The following NFRKB variants were observed in gnomAD, a reference collection of about 807,000 sequenced individuals.
NFRKB encodes nuclear factor related to kappa-B-binding protein.
NFRKB carries 62 observed loss-of-function variants against 135.7 expected under a neutral mutation model. The observed-to-expected ratio is 0.46, with a 90% CI of 0.37 to 0.56. The LOEUF (loss-of-function observed/expected upper bound fraction) is 0.56, where lower values mean the gene tolerates loss of function less well. Among genes scored for constraint, NFRKB ranks in the 20% least tolerant of loss-of-function variants. The probability of loss-of-function intolerance (pLI) is 0.00; values close to 1 mark genes in which losing one functional copy is unlikely to be tolerated. For missense variants in NFRKB, 1,545 were observed against 1,662.0 expected (o/e 0.93, Z 1.22); for synonymous variants, 678 against 635.6 (o/e 1.07, Z -1.00).
In NFRKB at chr11:129,885,464, C is replaced by T; in HGVS notation, c.611G>A (p.Gly204Asp). Reference protein sequence around the residue: ...KVLREVKEECGDTALSSDEED... With the variant: ...KVLREVKEECDDTALSSDEED... Reference sequence around the variant, plus strand: ...TTCATCAGATGACAGGGCTGTGTCACCACACTCCTCTTTCACTTCCCTTAA... The same window carrying T: ...TTCATCAGATGACAGGGCTGTGTCATCACACTCCTCTTTCACTTCCCTTAA... The change falls in exon 6 of 27, where the codon GGT (glycine) becomes GAT (aspartate). Residue 204 changes from glycine (G) to aspartate (D), a missense_variant. Gly to Asp is a moderately conservative substitution (Grantham distance 94). Around this residue, in one of 3 missense-constraint regions of NFRKB, gnomAD observed 678 missense variants for 646.7 expected, o/e 1.05. Transcript: ENST00000682444. 1.2e-6 allele frequency: 2 copies of T among 1,613,282 alleles called. No individual in the cohort carries two copies. Among genetic ancestry groups the T allele is most frequent in the East Asian group, 2.2e-5 (1 of 44,854 alleles).
chr11:129,870,653 G>A (rs368607834), intron 23 of NFRKB, among the ~76,000 whole-genome samples: 9 of 151,990 alleles, frequency 5.9e-5, no homozygotes, highest in East Asian at 1.9e-4. Flanking sequence ...CTGCAGCCTC[G>A]AACTCCTGGG....
rs1459984851 is a variant in NFRKB at position 129,863,664 on chromosome 11, G to A, written c.*1061C>T. On this transcript the variant is annotated 3_prime_UTR_variant, in exon 27 of 27. Coordinates refer to ENST00000682444, the MANE Select transcript of NFRKB (RefSeq NM_001143835.2). ...AAACAAAAAACGCTTTTACTTAAAA[G>A]GCCATATAGGAAATACTTTAGGCTT... The A allele has an allele frequency of 6.4e-6, 1 of 155,994 alleles. No individual in the cohort carries two copies. Among genetic ancestry groups the A allele is most frequent in the Non-Finnish European group, 1.4e-5 (1 of 70,932 alleles). The allele number at this position is 155,994 out of a possible 1,614,324, so 9.7% of individuals were successfully genotyped here.
intron 10 of NFRKB, 69 bp from the exon 11 acceptor site, chr11:129,882,263 C>G: frequency 2.1e-6 from 3 of 1,427,128 alleles, no homozygotes; most frequent in African/African-American, 2.9e-5. Context: ...TTCAGGCGCC[C>G]AAGCCTCCTA....
chr11:129,869,767 G>A lies in NFRKB; in HGVS notation c.3258C>T (p.Ala1086=), dbSNP rs1261922137. 1.2e-6 allele frequency: 2 copies of A among 1,614,148 alleles called. No individual in the cohort carries two copies. The highest frequency in any genetic ancestry group is 2.7e-5 in the African/African-American group (2 of 74,944). The stretch of plus-strand genomic sequence containing the variant: ...CCAGTCCCTGCACGATGCGGATCGT[G>A]GCAGCTGGTTTTGCTTCTGAAGAGG... The part of the protein sequence containing the change: ...TVASSEAKPA[A]TIRIVQGLGV... The change falls in exon 24 of 27, where the codon GCC becomes GCT. Residue 1086 remains alanine, a synonymous_variant. Coordinates refer to ENST00000682444, the MANE Select transcript of NFRKB (RefSeq NM_001143835.2).
intron 23 of NFRKB, among the ~76,000 whole-genome samples, chr11:129,870,901 G>C (rs1237343423): frequency 2.0e-5 from 3 of 152,020 alleles, no homozygotes; most frequent in Non-Finnish European, 4.4e-5. Flanking sequence ...ACCAATCCTG[G>C]CTAACTCTAC....
intron 6 of NFRKB, 122 bp from the exon 7 acceptor site, chr11:129,884,968 A>G: frequency 6.8e-7 from 1 of 1,463,454 alleles, no homozygotes; most frequent in Admixed American, 1.9e-5. Context: ...AGGGTTCCAC[A>G]ATCCTTTCTG....
At position 129,885,420 on chromosome 11, in the gene NFRKB, C is replaced by A; in HGVS notation, c.640+15G>T. 6.3e-7 allele frequency: 1 copy of A among 1,591,094 alleles called. No homozygotes were observed. The highest frequency in any genetic ancestry group is 8.6e-7 in the Non-Finnish European group (1 of 1,163,044). On this transcript the variant is annotated intron_variant, in intron 6 of 26. Coordinates refer to ENST00000682444, the MANE Select transcript of NFRKB (RefSeq NM_001143835.2). ...TCCAATACCCCAGCTACCCCAAGTG[C>A]CCGAGGACACTCACCCTCTTCATCA...
chr11:129,867,367 C>T (rs542497707), intron 24 of NFRKB, among the ~76,000 whole-genome samples: 9 of 143,894 alleles, frequency 6.3e-5, no homozygotes, highest in South Asian at 4.5e-4. Flanking sequence ...GCTCTGCCAT[C>T]CAGGCTGGAG....
intron 24 of NFRKB, among the ~76,000 whole-genome samples, chr11:129,868,512 CG>C (rs1167849452): frequency 2.0e-5 from 3 of 152,194 alleles, no homozygotes; most frequent in Non-Finnish European, 4.4e-5. Flanking sequence ...CAGGCGGCAC[CG>C]CTGGAGTATC....
At chr11:129,878,905 G>C (rs931351531) in intron 13 of NFRKB, among the ~76,000 whole-genome samples, 7 of 152,198 alleles carry the variant, frequency 4.6e-5, no homozygotes, top group African/African-American at 1.7e-4. Context: ...CATCACAAAG[G>C]ATGTCATCAT....
At chr11:129,892,078 T>C (rs563791975) in intron 3 of NFRKB, among the ~76,000 whole-genome samples, 23 of 152,284 alleles carry the variant, frequency 1.5e-4, no homozygotes, top group Admixed American at 7.8e-4. Context: ...ATTTCAATAG[T>C]ATTGGGGGAA....
intron 2 of NFRKB, chr11:129,894,127 C>A (rs1157459303): frequency 6.6e-6 from 1 of 152,212 alleles, no homozygotes; most frequent in Non-Finnish European, 1.5e-5. Flanking sequence ...AGACTGATGG[C>A]TGGGATTAGG....
intron 2 of NFRKB, among the ~76,000 whole-genome samples, chr11:129,893,570 A>G (rs1055316968): frequency 1.3e-5 from 2 of 151,380 alleles, no homozygotes; most frequent in African/African-American, 2.4e-5. Flanking sequence ...AAAAAAAAAA[A>G]GGAAAGGAAA....
intron 8 of NFRKB, 74 bp downstream of exon 8, chr11:129,883,996 G>A (rs1054891811): frequency 3.1e-5 from 45 of 1,468,660 alleles, no homozygotes; most frequent in Admixed American, 5.0e-5. Flanking sequence ...GTGATGCCCC[G>A]TGTCTTCCTC....
rs1948634017 is a variant in NFRKB, at chr11:129,873,858, G to A, written c.2437C>T (p.Leu813Phe). Reference sequence around the variant, plus strand: ...CCCGACTGCTGGGGAACAGCAGGAAGGCTAGGCTGGGCCACCACTCGCACC... The same window carrying A: ...CCCGACTGCTGGGGAACAGCAGGAAAGCTAGGCTGGGCCACCACTCGCACC... ...SQVRVVAQPS[L>F]PAVPQQSGGP... Residue 813 changes from leucine to phenylalanine, a missense_variant, in exon 22 of 27, where the codon CTT (leucine) becomes TTT (phenylalanine). Leu to Phe is a conservative substitution (Grantham distance 22). This residue lies in a region of NFRKB where 753 missense variants were observed against 804.3 expected (regional missense o/e 0.94). Coordinates refer to ENST00000682444, the MANE Select transcript of NFRKB (RefSeq NM_001143835.2). 1 of 1,614,162 alleles carries A rather than the reference G, an allele frequency of 6.2e-7. No individual in the cohort carries two copies. The highest frequency in any genetic ancestry group is 8.5e-7 in the Non-Finnish European group (1 of 1,180,044).
chr11:129,876,694 C>T, intron 17 of NFRKB, 27 bp downstream of exon 17: 1 of 1,602,232 alleles, frequency 6.2e-7, no homozygotes, highest in East Asian at 2.2e-5. Context: ...AGAAAGGGAT[C>T]TCTGATAATC....
Position 129,885,485 on chromosome 11 carries a change from C to T in NFRKB, c.590G>A (p.Arg197Lys), listed in dbSNP as rs1182781491. The T allele has an allele frequency of 6.2e-7, 1 of 1,613,986 alleles. No individual in the cohort carries two copies. The highest frequency in any genetic ancestry group is 8.5e-7 in the Non-Finnish European group (1 of 1,179,940). ...GTCACCACACTCCTCTTTCACTTCC[C>T]TTAAGACCTTCAAGTAGCGCTGCTG... ...RTQQRYLKVL[R>K]EVKEECGDTA... Residue 197 changes from arginine (R) to lysine (K), a missense_variant, in exon 6 of 27, where the codon AGG (arginine) becomes AAG (lysine). Transcript: ENST00000682444.
At position 129,878,464 on chromosome 11, in the gene NFRKB, C is replaced by T. The variant is rs1591504508; in HGVS notation, c.1464G>A (p.Lys488=). The T allele has an allele frequency of 6.2e-7, 1 of 1,614,016 alleles. No homozygotes were observed. The highest frequency in any genetic ancestry group is 8.5e-7 in the Non-Finnish European group (1 of 1,179,926). The change falls in exon 14 of 27, where the codon AAG becomes AAA. Residue 488 remains lysine, a splice_region_variant and synonymous_variant. Coordinates refer to ENST00000682444, the MANE Select transcript of NFRKB (RefSeq NM_001143835.2). The stretch of plus-strand genomic sequence containing the variant: ...TCTGGTATTTCTTAAAAAAACATAC[C>T]TTACAGAAGGCCTGATCTTTGGTCT... ...WLETKDQAFC[K]QENEDSSDAT... is the part of the protein sequence containing the mutation.
At chr11:129,883,955 A>C (rs1480815088) in intron 8 of NFRKB, 115 bp downstream of exon 8, 1 of 1,113,776 alleles carries the variant, frequency 9.0e-7, no homozygotes, top group Non-Finnish European at 1.4e-6. Flanking sequence ...TCCTGTGCCC[A>C]CAGTGGTAGG....
Sources: gnomAD v4.1 joint callset for allele counts (sites outside exome capture counted in the v4.1 genomes callset) on GRCh38, gnomAD v4.1.1 for gene constraint, gnomAD v4.1.1 regional missense constraint, MANE v1.5 for transcripts, NCBI Gene and HGNC (gene_info 2026-07-23, HGNC 2026-07-21) for gene names.